The following RIMS2 variants were observed in gnomAD, a reference collection of about 807,000 sequenced individuals.
RIMS2 encodes the protein regulating synaptic membrane exocytosis 2, also known as regulating synaptic membrane exocytosis protein 2.
RIMS2 carries 59 observed loss-of-function variants against 174.4 expected under a neutral mutation model. The observed-to-expected ratio is 0.34, with a 90% CI of 0.27 to 0.42. The LOEUF (loss-of-function observed/expected upper bound fraction) is 0.42. RIMS2 is among the 10% of genes least tolerant of loss of function. The pLI is 1.00. For missense variants in RIMS2, 1,620 were observed against 1,666.3 expected, an observed-to-expected ratio of 0.97 and a Z score of 0.48; for synonymous variants, 606 against 572.5, an observed-to-expected ratio of 1.06 and a Z score of -0.84.
intron 15 of RIMS2, among the ~76,000 whole-genome samples, chr8:103,968,352 G>A (rs1392408819): frequency 6.6e-6 from 1 of 151,692 alleles, no homozygotes; most frequent in Admixed American, 6.6e-5. Context: ...GATATAGTGG[G>A]ATTAATATCT....
chr8:103,510,540 G>A (rs1825941346), intron 1 of RIMS2, among the ~76,000 whole-genome samples: 1 of 152,060 alleles, frequency 6.6e-6, no homozygotes, highest in African/African-American at 2.4e-5. Flanking sequence ...TTAAGTTATA[G>A]GACCGAGATT....
intron 1 of RIMS2, among the ~76,000 whole-genome samples, chr8:103,602,011 C>T (rs986297137): frequency 6.6e-6 from 1 of 152,006 alleles, no homozygotes; most frequent in Non-Finnish European, 1.5e-5. Context: ...GTGTCTCACT[C>T]TTATTGCCCA....
intron 3 of RIMS2, among the ~76,000 whole-genome samples, chr8:103,848,643 C>A (rs954819546): frequency 1.3e-5 from 2 of 151,968 alleles, no homozygotes; most frequent in African/African-American, 2.4e-5. Context: ...ACAGTATGCT[C>A]TATTCTAGAA....
At chr8:104,053,507 T>G (rs1256463876) in intron 19 of RIMS2, among the ~76,000 whole-genome samples, 1 of 152,280 alleles carries the variant, frequency 6.6e-6, no homozygotes, top group Middle Eastern at 3.4e-3. Flanking sequence ...TTTAGAGTAG[T>G]TGAGGAAGGA....
intron 19 of RIMS2, among the ~76,000 whole-genome samples, chr8:104,211,178 AAGGTTAG>A (rs1472675758): frequency 6.6e-6 from 1 of 152,190 alleles, no homozygotes; most frequent in Non-Finnish European, 1.5e-5. Context: ...TTTTCTAATA[AAGGTTAG>A]AGTCGAGTAG....
chr8:104,037,057 G>C (rs913576376), intron 19 of RIMS2, among the ~76,000 whole-genome samples: 3 of 152,092 alleles, frequency 2.0e-5, no homozygotes, highest in Non-Finnish European at 4.4e-5. Context: ...AATCAGTTTA[G>C]AAATGATTAG....
At chr8:104,237,733 T>C (rs184750369) in intron 19 of RIMS2, among the ~76,000 whole-genome samples, 1 of 152,310 alleles carries the variant, frequency 6.6e-6, no homozygotes, top group Admixed American at 6.5e-5. Flanking sequence ...TTAATCTCAA[T>C]TTTTGTTTTA....
chr8:103,953,580 C>T (rs995761371), intron 14 of RIMS2, among the ~76,000 whole-genome samples: 2 of 152,098 alleles, frequency 1.3e-5, no homozygotes, highest in Non-Finnish European at 1.5e-5. Flanking sequence ...CAGGCCTGTC[C>T]TACGAGAGCT....
At chr8:103,968,478 C>T (rs2092423282) in intron 15 of RIMS2, among the ~76,000 whole-genome samples, 1 of 150,950 alleles carries the variant, frequency 6.6e-6, no homozygotes, top group Non-Finnish European at 1.5e-5. Context: ...ATATGTCTTT[C>T]CTTCCTTGGC....
chr8:103,990,867 G>A (rs2094645253), intron 17 of RIMS2, among the ~76,000 whole-genome samples: 1 of 151,798 alleles, frequency 6.6e-6, no homozygotes, highest in Admixed American at 6.6e-5. Context: ...AATAAATGCT[G>A]TCTAAATCTT....
At chr8:104,068,931 T>C (rs2097150540) in intron 19 of RIMS2, among the ~76,000 whole-genome samples, 1 of 152,176 alleles carries the variant, frequency 6.6e-6, no homozygotes, top group Non-Finnish European at 1.5e-5. Flanking sequence ...TTCATATAGA[T>C]TTTTTCCCAT....
chr8:103,963,977 T>C (rs2091026889), intron 15 of RIMS2, among the ~76,000 whole-genome samples: 2 of 152,188 alleles, frequency 1.3e-5, no homozygotes, highest in Admixed American at 1.3e-4. Context: ...CTTAGTAATA[T>C]GCTTTGTCTT....
intron 1 of RIMS2, among the ~76,000 whole-genome samples, chr8:103,623,748 C>A (rs1211543294): frequency 4.6e-5 from 7 of 151,884 alleles, no homozygotes; most frequent in Non-Finnish European, 7.4e-5. Context: ...TTCGGCCTCC[C>A]AAAGTGCTGG....
At chr8:104,175,303 AT>A (rs945589317) in intron 19 of RIMS2, among the ~76,000 whole-genome samples, 15 of 151,854 alleles carry the variant, frequency 9.9e-5, no homozygotes, top group African/African-American at 1.7e-4. Flanking sequence ...ACTTTAAAAA[AT>A]TTTTTTGTGT....
intron 1 of RIMS2, among the ~76,000 whole-genome samples, chr8:103,608,723 C>A (rs900322371): frequency 6.6e-6 from 1 of 152,062 alleles, no homozygotes; most frequent in African/African-American, 2.4e-5. Context: ...TTCAGAAAAG[C>A]GCAGTATTCG....
rs187908649 is a variant in RIMS2, at chr8:103,708,412, C to T, written c.387+11116C>T. ...AGGGTTGGGTGAGGAGTGGTGTAGA[C>T]AGTGCTGTTCTTTTCATCCTCTTCA... On this transcript the variant is annotated intron_variant, in intron 2 of 23. Coordinates refer to ENST00000504942, the Ensembl canonical transcript of RIMS2. Among the ~76,000 whole-genome samples, 233 of 152,240 alleles carry T rather than the reference C, an allele frequency of 1.5e-3. 2 individuals carry two copies. The highest frequency in any genetic ancestry group is 3.2e-4 in the Non-Finnish European group (22 of 68,024).
chr8:104,209,667 T>C (rs1229815081), intron 19 of RIMS2, among the ~76,000 whole-genome samples: 2 of 152,216 alleles, frequency 1.3e-5, no homozygotes, highest in Admixed American at 1.3e-4. Context: ...TTGTTTTGTA[T>C]ACTAATGTGC....
chr8:103,919,349 G>C (rs1243965051), intron 9 of RIMS2, among the ~76,000 whole-genome samples: 1 of 152,160 alleles, frequency 6.6e-6, no homozygotes, highest in Admixed American at 6.6e-5. Context: ...GCTGAATGGA[G>C]TGAGCAAGAG....
chr8:103,785,701 T>G (rs934537563), intron 3 of RIMS2, among the ~76,000 whole-genome samples: 6 of 152,216 alleles, frequency 3.9e-5, no homozygotes, highest in African/African-American at 9.6e-5. Flanking sequence ...TTTGCATCAA[T>G]GTTCATCAAG....
Sources: gnomAD v4.1 joint callset for allele counts (sites outside exome capture counted in the v4.1 genomes callset) on GRCh38, gnomAD v4.1.1 for gene constraint, MANE v1.5 for transcripts, NCBI Gene and HGNC (gene_info 2026-07-23, HGNC 2026-07-21) for gene names.